KLHDC8B: variants seen among roughly 807,000 people sequenced by gnomAD.
KLHDC8B encodes the protein kelch domain-containing protein 8B.
A neutral mutation model predicts 26.3 loss-of-function variants in KLHDC8B; 19 were observed. The ratio of observed to expected loss-of-function variants is 0.72; its 90% confidence interval spans 0.50 to 1.06. The LOEUF is 1.06. Among genes scored for constraint, KLHDC8B ranks in the 50% least tolerant of loss-of-function variants. KLHDC8B has a pLI of 0.00. For synonymous variants in KLHDC8B, 150 were observed against 188.4 expected, an observed-to-expected ratio of 0.80 and a Z score of 1.67; for missense variants, 411 against 488.1, an observed-to-expected ratio of 0.84 and a Z score of 1.49.
At chr3:49,174,625 G>A in intron 3 of KLHDC8B, 117 bp from the exon 4 acceptor site, 2 of 1,380,256 alleles carry the variant, frequency 1.4e-6, no homozygotes, top group Non-Finnish European at 1.9e-6. Flanking sequence ...TGATTCATGT[G>A]CAAGTGTGCA....
chr3:49,175,471 G>A (rs1335810394), intron 5 of KLHDC8B, 134 bp from the exon 6 acceptor site: 4 of 681,242 alleles, frequency 5.9e-6, no homozygotes, highest in Non-Finnish European at 1.0e-5. Flanking sequence ...GATGAACATA[G>A]GCAATGAGGA....
Position 49,175,785 on chromosome 3 carries a change from T to C in KLHDC8B, c.1049T>C (p.Leu350Pro). 1 of 1,614,054 alleles carries C rather than the reference T, an allele frequency of 6.2e-7. No individual in the cohort carries two copies. The highest frequency in any genetic ancestry group is 8.5e-7 in the Non-Finnish European group (1 of 1,180,000). Residue 350 changes from leucine to proline, a missense_variant, in exon 6 of 6, where the codon CTG becomes CCG. Physicochemically the swap from Leu to Pro is moderately conservative, Grantham distance 98. Transcript: ENST00000332780. ...GPSQAVEALC[L>P]RDGV is the part of the protein sequence containing the mutation. ...AGTCAAGCCGTGGAGGCACTGTGTC[T>C]GCGTGATGGGGTCTGAAGGCTTGGT...
chr3:49,174,091 TGCAG>T, intron 2 of KLHDC8B, 144 bp from the exon 3 acceptor site: 2 of 537,380 alleles, frequency 3.7e-6, no homozygotes, highest in Non-Finnish European at 6.5e-6. Context: ...CAGCCCCCAC[TGCAG>T]GCAGGTAGTA....
At chr3:49,175,240 C>A in intron 5 of KLHDC8B, 77 bp downstream of exon 5, 1 of 1,203,304 alleles carries the variant, frequency 8.3e-7, no homozygotes. Flanking sequence ...GTGTCACCTT[C>A]TGCCCATCTC....
At position 49,175,816 on chromosome 3, in the gene KLHDC8B, C is replaced by A; in HGVS notation, c.*15C>A. ...ATGGGGTCTGAAGGCTTGGTGGGAG[C>A]TGTCCACTGGAGCAGCTCATTGCCA... On this transcript the variant is annotated 3_prime_UTR_variant, in exon 6 of 6. Coordinates refer to ENST00000332780, the MANE Select transcript of KLHDC8B (RefSeq NM_173546.3). 1 of 1,612,790 alleles carries A rather than the reference C, an allele frequency of 6.2e-7. No individual in the cohort carries two copies. Among genetic ancestry groups the A allele is most frequent in the Non-Finnish European group, 8.5e-7 (1 of 1,179,070 alleles).
At chr3:49,173,852 C>G (rs896160055) in intron 2 of KLHDC8B, among the ~76,000 whole-genome samples, 1 of 152,138 alleles carries the variant, frequency 6.6e-6, no homozygotes, top group Non-Finnish European at 1.5e-5. Context: ...CTAAGCAGAT[C>G]CCCATGTTTC....
At chr3:49,171,950 G>A (rs1388203718) in intron 1 of KLHDC8B, among the ~76,000 whole-genome samples, 2 of 152,166 alleles carry the variant, frequency 1.3e-5, no homozygotes, top group Non-Finnish European at 2.9e-5. Flanking sequence ...CTGTGGTCAT[G>A]AGATTTCTCC....
In KLHDC8B at chr3:49,175,144, T is replaced by G. The variant is rs1349105654; in HGVS notation, c.849T>G (p.Ile283Met). The stretch of plus-strand genomic sequence containing the variant: ...TGGTTGGGTCCCTTGGGGGCCACAT[T>G]GTGGCCATTGGGGGCCTTGGTAAGT... ...DFVVGSLGGH[I>M]VAIGGLGNQP... Residue 283 changes from isoleucine to methionine, a missense_variant, in exon 5 of 6, where the codon ATT (isoleucine) becomes ATG (methionine). By Grantham distance (10) the Ile-to-Met change is conservative. Transcript: ENST00000332780. The G allele has an allele frequency of 6.2e-7, 1 of 1,614,062 alleles. No homozygotes were observed.
At position 49,175,107 on chromosome 3, in the gene KLHDC8B, G is replaced by A; in HGVS notation, c.812G>A (p.Arg271Lys). The part of the protein sequence containing the change: ...LPRSLRMRDK[R>K]ADFVVGSLGG... ...CGCAGCCTGCGCATGAGGGATAAGA[G>A]GGCAGACTTTGTGGTTGGGTCCCTT... Residue 271 changes from arginine (R) to lysine (K), a missense_variant, in exon 5 of 6, where the codon AGG (arginine) becomes AAG (lysine). Coordinates refer to ENST00000332780, the MANE Select transcript of KLHDC8B (RefSeq NM_173546.3). 6.2e-7 allele frequency: 1 copy of A among 1,614,176 alleles called. No individual in the cohort carries two copies.
chr3:49,174,444 G>C, intron 3 of KLHDC8B, 41 bp downstream of exon 3: 1 of 1,583,466 alleles, frequency 6.3e-7, no homozygotes, highest in Non-Finnish European at 8.6e-7. Flanking sequence ...TCAGAGTCTA[G>C]AAATCCTCAT....
In KLHDC8B at chr3:49,172,659, G is replaced by A; in HGVS notation, c.-111G>A. On this transcript the variant is annotated 5_prime_UTR_variant, in exon 2 of 6. Transcript: ENST00000332780. ...AGGTGAAGGCAAGGTCCCTGGACTG[G>A]TCATATACCTCTTGTGGCCCTGGCA... The A allele has an allele frequency of 1.8e-6, 2 of 1,134,468 alleles. No individual in the cohort carries two copies. Among genetic ancestry groups the A allele is most frequent in the South Asian group, 2.9e-5 (2 of 68,218 alleles). The allele number at this position is 1,134,468 out of a possible 1,614,324, so 70.3% of individuals were successfully genotyped here.
At chr3:49,173,404 C>T (rs1157776691) in intron 2 of KLHDC8B, among the ~76,000 whole-genome samples, 2 of 150,986 alleles carry the variant, frequency 1.3e-5, no homozygotes, top group African/African-American at 2.4e-5. Flanking sequence ...TCCTGCCCCA[C>T]TCCTCATTTC....
intron 2 of KLHDC8B, 145 bp downstream of exon 2, chr3:49,173,290 C>T: frequency 1.1e-6 from 1 of 888,558 alleles, no homozygotes; most frequent in Non-Finnish European, 1.7e-6. Context: ...TGTATCCTTT[C>T]CAACCTAGAT....
chr3:49,175,176 G>A lies in KLHDC8B; in HGVS notation c.868+13G>A. 6.2e-7 allele frequency: 1 copy of A among 1,606,746 alleles called. No individual in the cohort carries two copies. Among genetic ancestry groups the A allele is most frequent in the Admixed American group, 1.7e-5 (1 of 59,768 alleles). On this transcript the variant is annotated intron_variant, in intron 5 of 5. Transcript: ENST00000332780. ...ATTGGGGGCCTTGGTAAGTCTCTAT[G>A]GGGCTGGGGAGAGGAGGGAGTCCCA...
At position 49,175,164 on chromosome 3, in the gene KLHDC8B, G is replaced by C; in HGVS notation, c.868+1G>C. 6.2e-7 allele frequency: 1 copy of C among 1,612,966 alleles called. No homozygotes were observed. Among genetic ancestry groups the C allele is most frequent in the African/African-American group, 1.3e-5 (1 of 75,042 alleles). On this transcript the variant is annotated splice_donor_variant, in intron 5 of 5. Coordinates refer to ENST00000332780, the MANE Select transcript of KLHDC8B (RefSeq NM_173546.3). LOFTEE classifies it high-confidence loss of function. ...CACATTGTGGCCATTGGGGGCCTTGGTAAGTCTCTATGGGGCTGGGGAGAG... is the reference window on the plus strand; with the variant it reads ...CACATTGTGGCCATTGGGGGCCTTGCTAAGTCTCTATGGGGCTGGGGAGAG...
In KLHDC8B at chr3:49,175,934, C is replaced by T. The variant is rs1420525723; in HGVS notation, c.*133C>T. The T allele has an allele frequency of 1.2e-6, 1 of 837,530 alleles. No homozygotes were observed. The highest frequency in any genetic ancestry group is 1.7e-5 in the African/African-American group (1 of 59,556). The allele number at this position is 837,530 out of a possible 1,614,324, so 51.9% of individuals were successfully genotyped here. A position where few individuals can be genotyped will look rare whatever the true frequency, so the allele number is the denominator to read the frequency against. On this transcript the variant is annotated 3_prime_UTR_variant, in exon 6 of 6. Coordinates refer to ENST00000332780, the MANE Select transcript of KLHDC8B (RefSeq NM_173546.3). ...GGCATGGGGGTGAGCACTTGAAACA[C>T]TGCCTTGGGGCCTTGGGTTAGGGGA...
chr3:49,171,840 G>A (rs2045769824), intron 1 of KLHDC8B, among the ~76,000 whole-genome samples, 155 bp downstream of exon 1: 1 of 152,236 alleles, frequency 6.6e-6, no homozygotes, highest in African/African-American at 2.4e-5. Context: ...GCCACCAAGA[G>A]AAAGGGGTGG....
At chr3:49,173,564 C>T (rs1396099702) in intron 2 of KLHDC8B, among the ~76,000 whole-genome samples, 2 of 152,174 alleles carry the variant, frequency 1.3e-5, no homozygotes, top group Non-Finnish European at 2.9e-5. Context: ...CTGATATGGA[C>T]AAAGGCCAAG....
intron 5 of KLHDC8B, 150 bp downstream of exon 5, chr3:49,175,313 T>C (rs2045816402): frequency 1.5e-6 from 1 of 668,638 alleles, no homozygotes; most frequent in Non-Finnish European, 2.5e-6. Flanking sequence ...AGGCAGGATG[T>C]GGTCTGCCTG....
Sources: gnomAD v4.1 joint callset for allele counts (sites outside exome capture counted in the v4.1 genomes callset) on GRCh38, gnomAD v4.1.1 for gene constraint, MANE v1.5 for transcripts, NCBI Gene and HGNC (gene_info 2026-07-23, HGNC 2026-07-21) for gene names.